The following FOXP2 variants were observed in gnomAD, a reference collection of about 807,000 sequenced individuals.
FOXP2 encodes the protein forkhead box protein P2.
A neutral mutation model predicts 115.8 loss-of-function variants in FOXP2; 12 were observed. The ratio of observed to expected loss-of-function variants is 0.10; its 90% confidence interval spans 0.07 to 0.17. FOXP2 has a LOEUF of 0.17. Ranked by LOEUF, FOXP2 falls within the 10% of genes least tolerant of loss-of-function variation. The pLI is 1.00. For synonymous variants in FOXP2, 328 were observed against 297.7 expected (o/e 1.10, Z -1.05); for missense variants, 629 against 843.5 (o/e 0.75, Z 3.15).
Position 114,366,491 on chromosome 7 carries a change from T to C in FOXP2, c.-10-60011T>C, listed in dbSNP as rs1791885833. ...CCTTTTTTGTTTTGTTTTGTGTTTG[T>C]TTTAACTAAAAAGCCAGTACTCATA... On this transcript the variant is annotated intron_variant, in intron 2 of 17. Transcript: ENST00000634411. 3 of 152,288 alleles carry C rather than the reference T, an allele frequency of 2.0e-5. No homozygotes were observed. The South Asian group carries it at 6.2e-4, about 32-fold the overall frequency. The allele number at this position is 152,288 out of a possible 1,614,324, so 9.4% of individuals were successfully genotyped here. A position where few individuals can be genotyped will look rare whatever the true frequency, so the allele number is the denominator to read the frequency against.
chr7:114,406,734 G>T (rs1270822816), intron 2 of FOXP2, among the ~76,000 whole-genome samples: 1 of 151,850 alleles, frequency 6.6e-6, no homozygotes, highest in Non-Finnish European at 1.5e-5. Flanking sequence ...AAGCCATAAT[G>T]TCTCCTTCGA....
chr7:114,156,873 A>C (rs1792685627), intron 1 of FOXP2, among the ~76,000 whole-genome samples: 1 of 152,020 alleles, frequency 6.6e-6, no homozygotes, highest in South Asian at 2.1e-4. Context: ...CTTAAATTTT[A>C]ATGTTGACTT....
chr7:114,194,788 T>C (rs1793859749), intron 1 of FOXP2, among the ~76,000 whole-genome samples: 1 of 152,142 alleles, frequency 6.6e-6, no homozygotes, highest in South Asian at 2.1e-4. Context: ...TATTTGTTTA[T>C]AGCTAGACAA....
intron 1 of FOXP2, among the ~76,000 whole-genome samples, chr7:114,146,907 C>A (rs776853947): frequency 6.6e-6 from 1 of 152,126 alleles, no homozygotes; most frequent in Non-Finnish European, 1.5e-5. Context: ...CTAGCTTCAT[C>A]CTAACCATTT....
At chr7:114,256,894 C>T (rs1795627513) in intron 1 of FOXP2, among the ~76,000 whole-genome samples, 1 of 152,166 alleles carries the variant, frequency 6.6e-6, no homozygotes, top group African/African-American at 2.4e-5. Flanking sequence ...AGATTCAGTG[C>T]TATTCCCATT....
intron 2 of FOXP2, among the ~76,000 whole-genome samples, chr7:114,310,462 G>A (rs1797121518): frequency 6.6e-6 from 1 of 151,986 alleles, no homozygotes; most frequent in South Asian, 2.1e-4. Context: ...GGTCACAAGA[G>A]TCCTCCATAT....
At chr7:114,278,966 C>A (rs1266611796) in intron 1 of FOXP2, among the ~76,000 whole-genome samples, 1 of 151,980 alleles carries the variant, frequency 6.6e-6, no homozygotes, top group Non-Finnish European at 1.5e-5. Context: ...CATTCAGGAG[C>A]TTTTATTTTA....
intron 2 of FOXP2, among the ~76,000 whole-genome samples, chr7:114,296,219 A>G (rs1267785163): frequency 1.3e-5 from 2 of 152,192 alleles, no homozygotes. Context: ...CAAGAGAGTA[A>G]TATGAATAAA....
intron 4 of FOXP2, among the ~76,000 whole-genome samples, chr7:114,629,184 C>T (rs1804756335): frequency 2.0e-5 from 3 of 152,048 alleles, no homozygotes; most frequent in Admixed American, 1.3e-4. Context: ...GCAGCTGAGC[C>T]ACAAATTTAT....
chr7:114,667,077 C>G (rs935572036), intron 16 of FOXP2: 1 of 152,122 alleles, frequency 6.6e-6, no homozygotes, highest in Admixed American at 6.5e-5. Flanking sequence ...AATCCATTTT[C>G]TTCTCCTTCT....
intron 1 of FOXP2, among the ~76,000 whole-genome samples, chr7:114,172,117 C>T (rs1197880608): frequency 6.6e-6 from 1 of 152,078 alleles, no homozygotes; most frequent in Non-Finnish European, 1.5e-5. Context: ...TAAGTTAAGG[C>T]GTGTACATTT....
chr7:114,540,240 A>G (rs764406027), intron 3 of FOXP2, among the ~76,000 whole-genome samples: 2 of 151,992 alleles, frequency 1.3e-5, no homozygotes, highest in South Asian at 2.1e-4. Context: ...CTCCCACCAC[A>G]TATACACTTC....
intron 1 of FOXP2, among the ~76,000 whole-genome samples, chr7:114,142,108 C>A (rs113380370): frequency 6.6e-6 from 1 of 152,088 alleles, no homozygotes; most frequent in African/African-American, 2.4e-5. Flanking sequence ...CTGCAACCTC[C>A]GTCTTCAGGT....
intron 1 of FOXP2, among the ~76,000 whole-genome samples, chr7:114,208,885 C>G (rs1794271061): frequency 6.6e-6 from 1 of 152,086 alleles, no homozygotes; most frequent in South Asian, 2.1e-4. Context: ...CATTAAACCT[C>G]TTTCTTTTGT....
Position 114,570,916 on chromosome 7 carries a change from T to C in FOXP2, c.258+36210T>C, listed in dbSNP as rs1423181944. ...ACTGGGCAATTAGAAATTCAGCTAC[T>C]AGGCACAAGGCCATGGACCCAGTCC... On this transcript the variant is annotated intron_variant, in intron 3 of 16. Coordinates refer to ENST00000350908, the MANE Select transcript of FOXP2 (RefSeq NM_014491.4). 3 of 1,580,082 alleles carry C rather than the reference T, an allele frequency of 1.9e-6. No homozygotes were observed. The South Asian group carries it at 3.3e-5, about 17-fold the overall frequency.
At chr7:114,549,867 G>A (rs144368173) in intron 3 of FOXP2, among the ~76,000 whole-genome samples, 2,093 of 151,988 alleles carry the variant, frequency 0.014, 24 homozygotes, top group Non-Finnish European at 0.019. Context: ...GGCCAATAAC[G>A]ACATCATTTT....
At chr7:114,195,983 T>C (rs1354770460) in intron 1 of FOXP2, among the ~76,000 whole-genome samples, 1 of 152,010 alleles carries the variant, frequency 6.6e-6, no homozygotes, top group East Asian at 1.9e-4. Flanking sequence ...GTATTTTAAT[T>C]GTATATTTTG....
chr7:114,672,748 G>A (rs1031309527), intron 16 of FOXP2, among the ~76,000 whole-genome samples: 1 of 152,164 alleles, frequency 6.6e-6, no homozygotes, highest in Non-Finnish European at 1.5e-5. Context: ...GTCAGTCTCA[G>A]AAATTAGGCA....
chr7:114,572,115 A>G (rs1801335690), intron 3 of FOXP2, among the ~76,000 whole-genome samples: 1 of 151,844 alleles, frequency 6.6e-6, no homozygotes, highest in African/African-American at 2.4e-5. Context: ...TTCAATAAAA[A>G]TAGTGTCAAA....
Sources: allele counts gnomAD v4.1 joint callset (sites outside exome capture counted in the v4.1 genomes callset), GRCh38; gene constraint gnomAD v4.1.1; transcripts MANE v1.5; gene names NCBI Gene and HGNC (gene_info 2026-07-23, HGNC 2026-07-21).